The following LDLRAD4 variants were observed in gnomAD, a reference collection of about 807,000 sequenced individuals.
LDLRAD4 encodes low-density lipoprotein receptor class A domain-containing protein 4.
A neutral mutation model predicts 17.0 loss-of-function variants in LDLRAD4; 5 were observed. The observed-to-expected ratio is 0.29, with a 90% CI of 0.15 to 0.62. The LOEUF is 0.62. LDLRAD4 is among the 20% of genes least tolerant of loss of function. The probability of loss-of-function intolerance (pLI) is 0.84; values close to 1 mark genes in which losing one functional copy is unlikely to be tolerated. For synonymous variants in LDLRAD4, 168 were observed against 171.8 expected (o/e 0.98, Z 0.17); for missense variants, 340 against 424.7 (o/e 0.80, Z 1.75).
chr18:13,505,177 G>A (rs765704779), intron 3 of LDLRAD4, among the ~76,000 whole-genome samples: 12 of 152,196 alleles, frequency 7.9e-5, no homozygotes, highest in Non-Finnish European at 1.8e-4. Flanking sequence ...ACCCACAAGC[G>A]AAGCCTCAGT....
intron 2 of LDLRAD4, among the ~76,000 whole-genome samples, chr18:13,422,174 C>T (rs2089528604): frequency 6.6e-6 from 1 of 152,168 alleles, no homozygotes; most frequent in Non-Finnish European, 1.5e-5. Context: ...ACTGAACATT[C>T]ATGATTATGG....
At chr18:13,500,695 A>G (rs1036935729) in intron 3 of LDLRAD4, 1 of 152,210 alleles carries the variant, frequency 6.6e-6, no homozygotes, top group African/African-American at 2.4e-5. Context: ...GAGAAAATCT[A>G]CATCAGAGGA....
At chr18:13,473,775 G>A (rs1463620306) in intron 3 of LDLRAD4, among the ~76,000 whole-genome samples, 6 of 150,090 alleles carry the variant, frequency 4.0e-5, no homozygotes, top group African/African-American at 9.8e-5. Context: ...TTTGAGAGAC[G>A]CAACCTCAGG....
Position 13,387,680 on chromosome 18 carries a change from G to C in LDLRAD4, c.-43G>C, listed in dbSNP as rs371083799. On this transcript the variant is annotated 5_prime_UTR_variant, in exon 2 of 6. Transcript: ENST00000359446. ...GCCTCGCCCGGCGGCTTCCTCGACGGGACAGCGCAAGAGTTGGAGCACAGG... is the reference window on the plus strand; with the variant it reads ...GCCTCGCCCGGCGGCTTCCTCGACGCGACAGCGCAAGAGTTGGAGCACAGG... 3 of 1,604,854 alleles carry C rather than the reference G, an allele frequency of 1.9e-6. No homozygotes were observed. In the South Asian group the frequency reaches 3.3e-5, roughly 18 times the overall value.
Position 13,373,918 on chromosome 18 carries a change from C to T in LDLRAD4, c.-382-13423C>T, listed in dbSNP as rs145654613. On this transcript the variant is annotated intron_variant, in intron 1 of 5. Transcript: ENST00000359446. ...TTCTCTCATTTCTTTTAAAATGACA[C>T]GTGTACAGTTCCATTCTTCTTTGAT... Among the ~76,000 whole-genome samples the T allele has an allele frequency of 6.8e-3, 1,031 of 152,116 alleles. 11 individuals are homozygous for T. Among genetic ancestry groups the T allele is most frequent in the African/African-American group, 0.024 (988 of 41,518 alleles).
chr18:13,460,254 G>A (rs2092366489), intron 3 of LDLRAD4, among the ~76,000 whole-genome samples: 2 of 152,044 alleles, frequency 1.3e-5, no homozygotes, highest in Admixed American at 1.3e-4. Context: ...GTGCAGTGGC[G>A]CTATCACAAT....
At chr18:13,272,474 T>C (rs1043175834) in intron 1 of LDLRAD4, among the ~76,000 whole-genome samples, 9 of 152,246 alleles carry the variant, frequency 5.9e-5, no homozygotes, top group Non-Finnish European at 1.2e-4. Context: ...CTTTCATTTC[T>C]ATTTGGGGAG....
intron 3 of LDLRAD4, chr18:13,611,928 C>G (rs571884534): frequency 6.1e-6 from 6 of 985,316 alleles, no homozygotes; most frequent in African/African-American, 1.7e-5. Context: ...CAGAAGAGGA[C>G]AGCCCGCAGC....
At chr18:13,233,489 G>A (rs1276080954) in intron 1 of LDLRAD4, among the ~76,000 whole-genome samples, 1 of 152,104 alleles carries the variant, frequency 6.6e-6, no homozygotes, top group African/African-American at 2.4e-5. Flanking sequence ...CGCTGTCTCT[G>A]GTGCTCCTGT....
intron 2 of LDLRAD4, among the ~76,000 whole-genome samples, chr18:13,417,967 C>T (rs1257290067): frequency 1.3e-5 from 2 of 152,158 alleles, no homozygotes; most frequent in African/African-American, 4.8e-5. Context: ...ACCACTTATC[C>T]ACGGAGGAAG....
intron 1 of LDLRAD4, among the ~76,000 whole-genome samples, chr18:13,233,796 C>T (rs978502048): frequency 1.3e-5 from 2 of 152,032 alleles, no homozygotes; most frequent in African/African-American, 4.8e-5. Context: ...ACCCTAGGCT[C>T]CTACACCTAC....
chr18:13,567,041 G>T (rs77233900), intron 3 of LDLRAD4, among the ~76,000 whole-genome samples: 1 of 152,180 alleles, frequency 6.6e-6, no homozygotes, highest in Non-Finnish European at 1.5e-5. Context: ...ACCAAGCCGC[G>T]CCTGGCCCAG....
At chr18:13,315,780 G>A (rs1410836569) in intron 1 of LDLRAD4, among the ~76,000 whole-genome samples, 12 of 126,244 alleles carry the variant, frequency 9.5e-5, no homozygotes, top group African/African-American at 2.4e-4. Flanking sequence ...GTGAAACTCC[G>A]TCTAAAAAAA....
intron 3 of LDLRAD4, among the ~76,000 whole-genome samples, chr18:13,618,819 G>A (rs573393287): frequency 6.6e-6 from 1 of 152,224 alleles, no homozygotes; most frequent in South Asian, 2.1e-4. Context: ...AGTATGACAT[G>A]CTTGTTTACC....
chr18:13,607,018 T>C (rs1301558267), intron 3 of LDLRAD4, among the ~76,000 whole-genome samples: 4 of 152,156 alleles, frequency 2.6e-5, no homozygotes, highest in African/African-American at 7.2e-5. Context: ...GTAATCAGGC[T>C]AAAAAAATCA....
chr18:13,239,323 T>G (rs1431067367), intron 1 of LDLRAD4, among the ~76,000 whole-genome samples: 1 of 152,126 alleles, frequency 6.6e-6, no homozygotes, highest in Non-Finnish European at 1.5e-5. Flanking sequence ...CCAGTGAGAT[T>G]AGCCTGCTGA....
At chr18:13,532,076 G>A (rs148615346) in intron 3 of LDLRAD4, among the ~76,000 whole-genome samples, 2 of 152,180 alleles carry the variant, frequency 1.3e-5, no homozygotes, top group African/African-American at 4.8e-5. Context: ...CCTGGTCCAT[G>A]CAGGGTGATG....
At chr18:13,312,406 A>G (rs1233332753) in intron 1 of LDLRAD4, among the ~76,000 whole-genome samples, 4 of 152,336 alleles carry the variant, frequency 2.6e-5, no homozygotes, top group Admixed American at 2.6e-4. Context: ...TCAAATAATG[A>G]TATTCAACCT....
At chr18:13,647,178 A>G (rs1422353879) in exon 6 of LDLRAD4, 2 of 150,948 alleles carry the variant, frequency 1.3e-5, no homozygotes, top group Admixed American at 1.3e-4. Flanking sequence ...AAAAAGCACA[A>G]CATGCAGTTA....
Sources: gnomAD v4.1 joint callset for allele counts (sites outside exome capture counted in the v4.1 genomes callset) on GRCh38, gnomAD v4.1.1 for gene constraint, MANE v1.5 for transcripts, NCBI Gene and HGNC (gene_info 2026-07-23, HGNC 2026-07-21) for gene names.